SNTG1: variants seen among roughly 807,000 people sequenced by gnomAD.
The protein encoded by SNTG1 is gamma-1-syntrophin.
A neutral mutation model predicts 74.7 loss-of-function variants in SNTG1; 39 were observed. The ratio of observed to expected loss-of-function variants is 0.52; its 90% CI spans 0.40 to 0.68. SNTG1 has a LOEUF of 0.68. Ranked by LOEUF, SNTG1 falls within the 30% of genes least tolerant of loss-of-function variation. SNTG1 has a pLI of 0.00. For missense variants in SNTG1, 685 were observed against 609.5 expected, an observed-to-expected ratio of 1.12 and a Z score of -1.30; for synonymous variants, 254 against 217.1, an observed-to-expected ratio of 1.17 and a Z score of -1.49.
At chr8:50,694,142 C>A (rs1247192968) in intron 15 of SNTG1, among the ~76,000 whole-genome samples, 1 of 149,770 alleles carries the variant, frequency 6.7e-6, no homozygotes, top group Non-Finnish European at 1.5e-5. Flanking sequence ...AAAAGAAAGA[C>A]CAAGGAAATG....
At chr8:50,002,731 C>T (rs183079511) in intron 1 of SNTG1, among the ~76,000 whole-genome samples, 1 of 152,060 alleles carries the variant, frequency 6.6e-6, no homozygotes, top group East Asian at 1.9e-4. Context: ...TGATATGACC[C>T]AGCAATTTTG....
rs1301388370 is a variant in SNTG1 at position 49,983,906 on chromosome 8, G to A, written c.-103+71675G>A. On this transcript the variant is annotated intron_variant, in intron 1 of 18. Transcript: ENST00000642720. ...CCCAGTGAGATGAATGGGGGGTACTGTTATCCTGTGGCCTTGGTAGGATTT... is the reference window on the plus strand; with the variant it reads ...CCCAGTGAGATGAATGGGGGGTACTATTATCCTGTGGCCTTGGTAGGATTT... 2.6e-5 allele frequency among the ~76,000 whole-genome samples: 4 copies of A among 152,350 alleles called. No homozygotes were observed. The East Asian group carries it at 5.8e-4, about 22-fold the overall frequency.
chr8:50,762,114 G>T (rs1054953050), intron 18 of SNTG1, among the ~76,000 whole-genome samples: 7 of 150,532 alleles, frequency 4.7e-5, no homozygotes, highest in African/African-American at 1.7e-4. Context: ...AGACAGTGAA[G>T]AAATTTCCCC....
At chr8:50,674,803 G>T (rs554078272) in intron 15 of SNTG1, among the ~76,000 whole-genome samples, 7 of 152,064 alleles carry the variant, frequency 4.6e-5, no homozygotes, top group Admixed American at 1.3e-4. Flanking sequence ...TGGGCATTTA[G>T]TGCTATAAGT....
chr8:50,158,118 T>C lies in SNTG1; in HGVS notation c.-102-14443T>C, dbSNP rs562154826. On this transcript the variant is annotated intron_variant, in intron 1 of 18. Transcript: ENST00000642720. ...GACCTGGTCCATTTAGACATCAAGA[T>C]AGGCACTTTTGGTTCATTTCTTCTA... 1.6e-4 allele frequency among the ~76,000 whole-genome samples: 25 copies of C among 152,230 alleles called. 1 individual carries two copies. The South Asian group carries it at 4.6e-3, about 28-fold the overall frequency.
At chr8:50,618,904 T>C (rs1432217621) in intron 13 of SNTG1, among the ~76,000 whole-genome samples, 4 of 151,504 alleles carry the variant, frequency 2.6e-5, no homozygotes, top group African/African-American at 9.7e-5. Flanking sequence ...TGTGTGTGTG[T>C]GTGTGTATAT....
intron 1 of SNTG1, among the ~76,000 whole-genome samples, chr8:49,930,290 T>A (rs1807448456): frequency 6.6e-6 from 1 of 152,048 alleles, no homozygotes; most frequent in Non-Finnish European, 1.5e-5. Flanking sequence ...GGTGCCTTTT[T>A]TACATTTATA....
At chr8:50,137,586 T>C (rs2081515096) in intron 1 of SNTG1, among the ~76,000 whole-genome samples, 1 of 152,104 alleles carries the variant, frequency 6.6e-6, no homozygotes, top group South Asian at 2.1e-4. Context: ...CGAGAATAAA[T>C]AAGCAAAGCA....
At chr8:50,313,395 A>G (rs2090191759) in intron 2 of SNTG1, among the ~76,000 whole-genome samples, 1 of 149,750 alleles carries the variant, frequency 6.7e-6, no homozygotes, top group South Asian at 2.2e-4. Context: ...AGATAGAGAA[A>G]AATATTTGCA....
chr8:50,073,772 A>G (rs1160843173), intron 1 of SNTG1, among the ~76,000 whole-genome samples: 1 of 151,988 alleles, frequency 6.6e-6, no homozygotes, highest in Non-Finnish European at 1.5e-5. Flanking sequence ...ATTCACGTGC[A>G]TTATCAATAG....
intron 8 of SNTG1, among the ~76,000 whole-genome samples, chr8:50,469,065 G>A (rs536235939): frequency 4.9e-4 from 75 of 152,204 alleles, no homozygotes; most frequent in African/African-American, 1.5e-3. Context: ...ATTTACTTGC[G>A]TTTATTCTTT....
chr8:50,740,167 C>G (rs1432951910), intron 17 of SNTG1, among the ~76,000 whole-genome samples: 3 of 151,884 alleles, frequency 2.0e-5, no homozygotes, highest in African/African-American at 4.8e-5. Context: ...AAGAAACTAT[C>G]AACAGAGTGA....
chr8:50,091,661 A>G (rs1165540881), intron 1 of SNTG1, among the ~76,000 whole-genome samples: 4 of 151,950 alleles, frequency 2.6e-5, no homozygotes, highest in Admixed American at 2.0e-4. Context: ...GTGTGTGTGT[A>G]TGTATCATGA....
intron 2 of SNTG1, among the ~76,000 whole-genome samples, chr8:50,289,525 T>C (rs1450135): frequency 0.52 from 79,426 of 151,968 alleles, 23,777 homozygotes; most frequent in East Asian, 0.83. Flanking sequence ...CATCATTGTA[T>C]CACTAACACC....
intron 2 of SNTG1, among the ~76,000 whole-genome samples, chr8:50,284,768 A>T (rs1423813780): frequency 6.6e-6 from 1 of 152,156 alleles, no homozygotes; most frequent in East Asian, 1.9e-4. Flanking sequence ...ACTGTACACT[A>T]AAAGATGGTA....
intron 15 of SNTG1, among the ~76,000 whole-genome samples, chr8:50,684,779 C>G (rs748578946): frequency 1.8e-4 from 25 of 140,562 alleles, no homozygotes; most frequent in Admixed American, 9.7e-4. Context: ...GGTACATGTG[C>G]TCATTGTACA....
chr8:50,570,591 GTTATTATTA>G (rs61229968), intron 12 of SNTG1, among the ~76,000 whole-genome samples: 5 of 130,156 alleles, frequency 3.8e-5, no homozygotes, highest in South Asian at 5.0e-4. Context: ...TATTATTGTT[GTTATTATTA>G]TTATTATTAT....
intron 1 of SNTG1, among the ~76,000 whole-genome samples, chr8:49,914,783 C>T (rs1044926216): frequency 6.6e-6 from 1 of 152,066 alleles, no homozygotes; most frequent in East Asian, 1.9e-4. Flanking sequence ...TTTATAAATT[C>T]CAAGCAGCTA....
chr8:50,047,424 A>G (rs994348528), intron 1 of SNTG1, among the ~76,000 whole-genome samples: 2 of 152,050 alleles, frequency 1.3e-5, no homozygotes, highest in African/African-American at 4.8e-5. Flanking sequence ...ATAAACTTAT[A>G]TTTTTTCATA....
Sources: gnomAD v4.1 joint callset for allele counts (sites outside exome capture counted in the v4.1 genomes callset) on GRCh38, gnomAD v4.1.1 for gene constraint, MANE v1.5 for transcripts, NCBI Gene and HGNC (gene_info 2026-07-23, HGNC 2026-07-21) for gene names.